Variants in TIAL1 observed in about 807,000 individuals in gnomAD.
TIAL1 encodes TIA1 cytotoxic granule associated RNA binding protein like 1, also known as nucleolysin TIAR.
In TIAL1, 7 loss-of-function variants were observed where a neutral mutation model predicts 59.7. The ratio of observed to expected loss-of-function variants is 0.12; its 90% CI spans 0.07 to 0.22. The LOEUF (loss-of-function observed/expected upper bound fraction) is 0.22. TIAL1 is among the 10% of genes least tolerant of loss of function. The probability of loss-of-function intolerance (pLI) is 1.00; values close to 1 mark genes in which losing one functional copy is unlikely to be tolerated. For synonymous variants in TIAL1, 149 were observed against 146.3 expected (o/e 1.02, Z -0.13); for missense variants, 225 against 462.5 (o/e 0.49, Z 4.71).
At chr10:119,586,097 C>A (rs947155373) in intron 2 of TIAL1, among the ~76,000 whole-genome samples, 1 of 152,194 alleles carries the variant, frequency 6.6e-6, no homozygotes, top group African/African-American at 2.4e-5. Flanking sequence ...AGCTTCAGCA[C>A]CGGTCTCTCT....
chr10:119,576,777 G>A (rs372665631), intron 10 of TIAL1, 27 bp from the exon 11 acceptor site: 296 of 1,610,206 alleles, frequency 1.8e-4, no homozygotes, highest in Middle Eastern at 9.9e-4. Flanking sequence ...TATTGTTTTA[G>A]GGAACACATA....
At position 119,574,180 on chromosome 10, in the gene TIAL1, A is replaced by G. The variant is rs955593848; in HGVS notation, c.*1485T>C. The G allele has an allele frequency of 2.0e-5, 3 of 152,584 alleles. No individual in the cohort carries two copies. The highest frequency in any genetic ancestry group is 7.2e-5 in the African/African-American group (3 of 41,448). 9.5% of individuals were successfully genotyped at this position (152,584 alleles called of 1,614,324 possible). ...TACATTCCTGTTTGATAGAAATTTGAGGCAAATTTTACCCACACAGCCTGA... is the reference window on the plus strand; with the variant it reads ...TACATTCCTGTTTGATAGAAATTTGGGGCAAATTTTACCCACACAGCCTGA... On this transcript the variant is annotated 3_prime_UTR_variant, in exon 12 of 12. Transcript: ENST00000436547.
chr10:119,580,105 A>T, intron 5 of TIAL1, 95 bp from the exon 6 acceptor site: 3 of 1,021,878 alleles, frequency 2.9e-6, no homozygotes, highest in African/African-American at 1.7e-5. Flanking sequence ...GAGCATTTTT[A>T]AAATAAAATT....
At chr10:119,593,286 C>T (rs1332682299) in intron 1 of TIAL1, among the ~76,000 whole-genome samples, 1 of 152,052 alleles carries the variant, frequency 6.6e-6, no homozygotes, top group African/African-American at 2.4e-5. Context: ...ATGCATAATA[C>T]CCCAAAATAA....
chr10:119,591,001 T>C (rs763862913), intron 1 of TIAL1, among the ~76,000 whole-genome samples: 1 of 152,190 alleles, frequency 6.6e-6, no homozygotes, highest in Non-Finnish European at 1.5e-5. Context: ...ATTTAAATAG[T>C]TTTAAATTTC....
In TIAL1 at chr10:119,574,602, A is replaced by AAAAAAC. The variant is rs1244323582; in HGVS notation, c.*1057_*1062dup. 43 of 148,436 alleles carry AAAAAAC rather than the reference A, an allele frequency of 2.9e-4. No individual in the cohort carries two copies. The highest frequency in any genetic ancestry group is 8.1e-4 in the African/African-American group (32 of 39,398). 9.2% of individuals were successfully genotyped at this position (148,436 alleles called of 1,614,324 possible). ...AATGTAAAGCAAAAAAAAAAAAAAAAAAAAACAAAAACAAAAAACTAATTC... is the reference window on the plus strand; with the variant it reads ...AATGTAAAGCAAAAAAAAAAAAAAAAAAAAACAAAAACAAAAACAAAAAACTAATTC... On this transcript the variant is annotated 3_prime_UTR_variant, in exon 12 of 12. Coordinates refer to ENST00000436547, the MANE Select transcript of TIAL1 (RefSeq NM_003252.4).
intron 10 of TIAL1, 74 bp from the exon 11 acceptor site, chr10:119,576,824 G>A: frequency 1.5e-5 from 24 of 1,568,246 alleles, no homozygotes; most frequent in Non-Finnish European, 2.1e-5. Context: ...GGGAGACAAG[G>A]AAGAGAAAAA....
Position 119,588,219 on chromosome 10 carries a change from G to A in TIAL1, c.62C>T (p.Thr21Ile). Reference protein sequence around the residue: ...LYVGNLSRDVTEVLILQLFSQ... With the variant: ...LYVGNLSRDVIEVLILQLFSQ... The stretch of plus-strand genomic sequence containing the variant: ...GAACAACTGAAGTATAAGGACTTCT[G>A]TCACATCTCTGGAAAGGTTACCTAC... The change falls in exon 2 of 12, where the codon ACA (threonine) becomes ATA (isoleucine). Residue 21 changes from threonine to isoleucine, a missense_variant. Thr to Ile is a moderately conservative substitution (Grantham distance 89). Transcript: ENST00000436547. 6.3e-7 allele frequency: 1 copy of A among 1,590,494 alleles called. No homozygotes were observed. The highest frequency in any genetic ancestry group is 8.6e-7 in the Non-Finnish European group (1 of 1,166,618).
chr10:119,577,134 C>T lies in TIAL1; in HGVS notation c.807G>A (p.Val269=). 1 of 1,613,908 alleles carries T rather than the reference C, an allele frequency of 6.2e-7. No individual in the cohort carries two copies. Residue 269 remains valine, a synonymous_variant, in exon 10 of 12, where the codon GTG becomes GTA. Coordinates refer to ENST00000436547, the MANE Select transcript of TIAL1 (RefSeq NM_003252.4). ...ATTCTTTACCCCAATAGCATTTAAC[C>T]ACATGTCCTTCAATCGTAGTACCGT... The part of the protein sequence containing the change: ...SVNGTTIEGH[V]VKCYWGKESP...
intron 5 of TIAL1, 85 bp downstream of exon 5, chr10:119,581,833 TAGAG>T: frequency 9.5e-7 from 1 of 1,047,164 alleles, no homozygotes; most frequent in Non-Finnish European, 1.4e-6. Flanking sequence ...CCATACTAAC[TAGAG>T]AAAGAAAATC....
intron 1 of TIAL1, among the ~76,000 whole-genome samples, 160 bp downstream of exon 1, chr10:119,596,274 G>A (rs1214716125): frequency 1.3e-5 from 2 of 152,162 alleles, no homozygotes; most frequent in South Asian, 2.1e-4. Context: ...CCTTCCCAAG[G>A]AAAAGGGGAC....
chr10:119,591,539 A>G (rs996923573), intron 1 of TIAL1, among the ~76,000 whole-genome samples: 8 of 152,246 alleles, frequency 5.3e-5, no homozygotes, highest in Admixed American at 1.3e-4. Context: ...GAAAACGTTA[A>G]TATCTAAGTT....
chr10:119,587,251 G>A (rs11199030), intron 2 of TIAL1, among the ~76,000 whole-genome samples: 34,390 of 151,970 alleles, frequency 0.23, 4,199 homozygotes, highest in East Asian at 0.49. Context: ...ACCATGCTAC[G>A]GGTTCTATTT....
At chr10:119,583,517 T>C (rs927517082) in intron 2 of TIAL1, among the ~76,000 whole-genome samples, 14 of 152,198 alleles carry the variant, frequency 9.2e-5, no homozygotes, top group East Asian at 1.9e-4. Flanking sequence ...ACTGTACAAA[T>C]ACATATTTTT....
chr10:119,576,688 C>T lies in TIAL1; in HGVS notation c.924G>A (p.Gln308=), dbSNP rs753690403. 5 of 1,614,184 alleles carry T rather than the reference C, an allele frequency of 3.1e-6. No individual in the cohort carries two copies. In the Admixed American group the frequency reaches 6.7e-5, roughly 22 times the overall value. ...GTACTTGCCACCCATTTGCCATATA[C>T]TGTCCATACTGTTGTGGGTTTCCAT... ...QVYGNPQQYG[Q]YMANGWQVPP... is the part of the protein sequence containing the mutation. The change falls in exon 11 of 12, where the codon CAG becomes CAA. Residue 308 remains glutamine, a synonymous_variant. Coordinates refer to ENST00000436547, the MANE Select transcript of TIAL1 (RefSeq NM_003252.4).
At chr10:119,595,914 TGAAA>T (rs1846152776) in intron 1 of TIAL1, among the ~76,000 whole-genome samples, 1 of 151,458 alleles carries the variant, frequency 6.6e-6, no homozygotes, top group Non-Finnish European at 1.5e-5. Flanking sequence ...GCTTGAGTGG[TGAAA>T]GAGTGTCCTG....
In TIAL1 at chr10:119,573,593, C is replaced by G. The variant is rs1051612453; in HGVS notation, c.*2072G>C. Reference sequence around the variant, plus strand: ...TACTTAATTTACTGGCAGACCAAAACAGGCATACTAAGCATTTTTATCAAT... The same window carrying G: ...TACTTAATTTACTGGCAGACCAAAAGAGGCATACTAAGCATTTTTATCAAT... On this transcript the variant is annotated 3_prime_UTR_variant, in exon 12 of 12. Coordinates refer to ENST00000436547, the MANE Select transcript of TIAL1 (RefSeq NM_003252.4). 6.6e-6 allele frequency: 1 copy of G among 152,556 alleles called. No homozygotes were observed. Among genetic ancestry groups the G allele is most frequent in the African/African-American group, 2.4e-5 (1 of 41,436 alleles). The allele number at this position is 152,556 out of a possible 1,614,324, so 9.5% of individuals were successfully genotyped here.
intron 1 of TIAL1, among the ~76,000 whole-genome samples, chr10:119,590,786 AAGAAAG>A (rs1300275690): frequency 3.7e-5 from 5 of 134,986 alleles, no homozygotes; most frequent in Non-Finnish European, 1.6e-5. Context: ...GAAAGAAAGA[AAGAAAG>A]AAAGAAAGAA....
chr10:119,583,848 A>G (rs929751623), intron 2 of TIAL1, among the ~76,000 whole-genome samples: 2 of 152,248 alleles, frequency 1.3e-5, no homozygotes, highest in Admixed American at 6.5e-5. Context: ...CTTAAGAGGT[A>G]AAGAAAGGAA....
Sources: allele counts gnomAD v4.1 joint callset (sites outside exome capture counted in the v4.1 genomes callset), GRCh38; gene constraint gnomAD v4.1.1; transcripts MANE v1.5; gene names NCBI Gene and HGNC (gene_info 2026-07-23, HGNC 2026-07-21).